The following HSPH1 variants were observed in gnomAD, a reference collection of about 807,000 sequenced individuals.
HSPH1 encodes the protein heat shock protein family H (Hsp110) member 1, also known as heat shock protein 105 kDa.
HSPH1 carries 40 observed loss-of-function variants against 100.0 expected under a neutral mutation model. The ratio of observed to expected loss-of-function variants is 0.40; its 90% CI spans 0.31 to 0.52. The LOEUF is 0.52. Among genes scored for constraint, HSPH1 ranks in the 20% least tolerant of loss-of-function variants. The pLI is 0.54. For missense variants in HSPH1, 876 were observed against 1,015.1 expected (o/e 0.86, Z 1.86); for synonymous variants, 403 against 344.0 (o/e 1.17, Z -1.90).
At chr13:31,144,250 C>T (rs1417581468) in intron 11 of HSPH1, among the ~76,000 whole-genome samples, 2 of 152,150 alleles carry the variant, frequency 1.3e-5, no homozygotes, top group African/African-American at 4.8e-5. Flanking sequence ...CTCTAAGGCA[C>T]TGGAAATAGA....
At position 31,150,889 on chromosome 13, in the gene HSPH1, C is replaced by G. The variant is rs1481056473; in HGVS notation, c.908+58G>C. 2.0e-6 allele frequency: 3 copies of G among 1,531,636 alleles called. No homozygotes were observed. The East Asian group carries it at 6.8e-5, about 35-fold the overall frequency. The allele number at this position is 1,531,636 out of a possible 1,614,324, so 94.9% of individuals were successfully genotyped here. A position where few individuals can be genotyped will look rare whatever the true frequency, so the allele number is the denominator to read the frequency against. The stretch of plus-strand genomic sequence containing the variant: ...TCACAACACCCACTAGAACTGACAC[C>G]TGGGCTACAGTTTCAAAAGAAGTTC... On this transcript the variant is annotated intron_variant, in intron 7 of 17. Coordinates refer to ENST00000320027, the MANE Select transcript of HSPH1 (RefSeq NM_006644.4).
upstream of HSPH1, chr13:31,162,194 G>A: frequency 1.9e-6 from 2 of 1,041,680 alleles, no homozygotes; most frequent in Non-Finnish European, 2.8e-6. Flanking sequence ...AACAGGCAAC[G>A]AAGAATGACT....
At chr13:31,153,745 A>T (rs909040953) in intron 4 of HSPH1, among the ~76,000 whole-genome samples, 1 of 151,980 alleles carries the variant, frequency 6.6e-6, no homozygotes, top group African/African-American at 2.4e-5. Context: ...GAGAGACATG[A>T]GCAAGAGCAA....
rs180897573 is a variant in HSPH1, at chr13:31,160,585, T to C, written c.107+891A>G. ...GTTTGTATATATTCTCGTCCGAAAA[T>C]ATCCCTTCACGAAACTTGCTTTTTA... On this transcript the variant is annotated intron_variant, in intron 1 of 17. Transcript: ENST00000320027. Among the ~76,000 whole-genome samples, 20 of 152,334 alleles carry C rather than the reference T, an allele frequency of 1.3e-4. 1 individual carries two copies. The highest frequency in any genetic ancestry group is 4.8e-4 in the African/African-American group (20 of 41,564).
Position 31,137,480 on chromosome 13 carries a change from T to C in HSPH1, c.2415A>G (p.Pro805=), listed in dbSNP as rs1263474054. The C allele has an allele frequency of 2.5e-6, 4 of 1,613,744 alleles. No homozygotes were observed. In the Admixed American group the frequency reaches 5.0e-5, roughly 20 times the overall value. ...TCEPVVTQPK[P]KIESPKLERT... ...TTTCCAGTTTGGGTGATTCAATTTT[T>C]GGTTTCGGTTGTGTTACAACGGGTT... Residue 805 remains proline, a synonymous_variant, in exon 18 of 18, where the codon CCA becomes CCG. Transcript: ENST00000320027.
At chr13:31,143,466 TA>T (rs753850360) in intron 12 of HSPH1, among the ~76,000 whole-genome samples, 5 of 152,140 alleles carry the variant, frequency 3.3e-5, no homozygotes, top group Admixed American at 6.6e-5. Context: ...GTAGCCCTGG[TA>T]AATATCAAGT....
chr13:31,153,078 T>C (rs767309245), intron 4 of HSPH1, 127 bp from the exon 5 acceptor site: 1 of 619,880 alleles, frequency 1.6e-6, no homozygotes, highest in Non-Finnish European at 2.8e-6. Context: ...AAAACAGAAA[T>C]AGGGCTTTAG....
intron 3 of HSPH1, 93 bp downstream of exon 3, chr13:31,155,421 T>G: frequency 1.1e-6 from 1 of 945,820 alleles, no homozygotes; most frequent in South Asian, 1.8e-5. Context: ...GACCACCTGG[T>G]GTAATTAAGA....
At position 31,136,449 on chromosome 13, in the gene HSPH1, A is replaced by T. The variant is rs953335646; in HGVS notation, c.*869T>A. On this transcript the variant is annotated 3_prime_UTR_variant, in exon 18 of 18. Coordinates refer to ENST00000320027, the MANE Select transcript of HSPH1 (RefSeq NM_006644.4). Reference sequence around the variant, plus strand: ...GTTTTATTCACTTTATAGTATTTTTAAAATGCTTTAATGTAATAAACATAT... The same window carrying T: ...GTTTTATTCACTTTATAGTATTTTTTAAATGCTTTAATGTAATAAACATAT... 5.3e-5 allele frequency: 8 copies of T among 152,340 alleles called. No individual in the cohort carries two copies. In the East Asian group the frequency reaches 1.5e-3, roughly 29 times the overall value. The allele number at this position is 152,340 out of a possible 1,614,324, so 9.4% of individuals were successfully genotyped here.
chr13:31,151,130 T>C lies in HSPH1; in HGVS notation c.725A>G (p.Glu242Gly). 6.2e-7 allele frequency: 1 copy of C among 1,613,520 alleles called. No homozygotes were observed. Among genetic ancestry groups the C allele is most frequent in the Admixed American group, 1.7e-5 (1 of 59,954 alleles). ...GGKNFDEKLV[E>G]HFCAEFKTKY... ...AGTTTTAAATTCTGCACAAAAATGT[T>C]CCACTAACTTTTCATCGAAGTTTTT... is the stretch of plus-strand genomic sequence containing the variant. Residue 242 changes from glutamate (E) to glycine (G), a missense_variant, in exon 7 of 18, where the codon GAA becomes GGA. Transcript: ENST00000320027.
intron 6 of HSPH1, 72 bp downstream of exon 6, chr13:31,151,536 TA>T: frequency 7.2e-7 from 1 of 1,397,978 alleles, no homozygotes; most frequent in Non-Finnish European, 9.7e-7. Context: ...AAAAGCCTAG[TA>T]AAGAGGCTCA....
At position 31,147,949 on chromosome 13, in the gene HSPH1, A is replaced by T; in HGVS notation, c.1378+10T>A. The T allele has an allele frequency of 6.3e-7, 1 of 1,577,706 alleles. No homozygotes were observed. Among genetic ancestry groups the T allele is most frequent in the East Asian group, 2.2e-5 (1 of 44,502 alleles). ...CTAAAAGAGTAAAATATACACAATG[A>T]ACTCCTTACCTATTTTTGCTTCTGG... is the stretch of plus-strand genomic sequence containing the variant. On this transcript the variant is annotated intron_variant, in intron 10 of 17. Coordinates refer to ENST00000320027, the MANE Select transcript of HSPH1 (RefSeq NM_006644.4).
chr13:31,161,868 G>T lies in HSPH1; in HGVS notation c.-286C>A, dbSNP rs941561958. The T allele has an allele frequency of 4.7e-6, 7 of 1,484,578 alleles. No homozygotes were observed. The highest frequency in any genetic ancestry group is 2.1e-4 in the Middle Eastern group (1 of 4,734). The allele number at this position is 1,484,578 out of a possible 1,614,324, so 92.0% of individuals were successfully genotyped here. ...CGGGTTGCCTGCCTCACTCTGCCGC[G>T]GCTCGCACACCGGCGCCGGCGCTGA... On this transcript the variant is annotated 5_prime_UTR_variant, in exon 1 of 18. Coordinates refer to ENST00000320027, the MANE Select transcript of HSPH1 (RefSeq NM_006644.4).
chr13:31,161,788 G>A lies in HSPH1; in HGVS notation c.-206C>T, dbSNP rs1956928445. 1 of 1,496,188 alleles carries A rather than the reference G, an allele frequency of 6.7e-7. No individual in the cohort carries two copies. The highest frequency in any genetic ancestry group is 1.3e-5 in the South Asian group (1 of 79,928). 92.7% of individuals were successfully genotyped at this position (1,496,188 alleles called of 1,614,324 possible). ...CCCCCGGGGACAGCGGCGGCTGGCT[G>A]ATAAGAAACCCTGGGAGAAAGCGGG... On this transcript the variant is annotated 5_prime_UTR_variant, in exon 1 of 18. Coordinates refer to ENST00000320027, the MANE Select transcript of HSPH1 (RefSeq NM_006644.4).
Position 31,154,886 on chromosome 13 carries a change from G to A in HSPH1, c.307-131C>T, listed in dbSNP as rs75036256. On this transcript the variant is annotated intron_variant, in intron 3 of 17. Coordinates refer to ENST00000320027, the MANE Select transcript of HSPH1 (RefSeq NM_006644.4). ...TTTATTGTTGTAGTTGTTTTGGGAA[G>A]AAGGAAGAAAAGGAGGAAAAAGGGA... The A allele has an allele frequency of 5.8e-3, 4,368 of 757,442 alleles. 154 individuals carry two copies. The African/African-American group carries it at 0.072, about 12-fold the overall frequency. 46.9% of individuals were successfully genotyped at this position (757,442 alleles called of 1,614,324 possible).
chr13:31,153,817 A>G (rs180808752), intron 4 of HSPH1, among the ~76,000 whole-genome samples: 2 of 132,398 alleles, frequency 1.5e-5, no homozygotes, highest in African/African-American at 5.7e-5. Flanking sequence ...TCAGCTCACC[A>G]GGGGAAAAAA....
At chr13:31,152,780 G>T in intron 5 of HSPH1, 72 bp downstream of exon 5, 1 of 1,048,392 alleles carries the variant, frequency 9.5e-7, no homozygotes, top group Non-Finnish European at 1.5e-6. Flanking sequence ...GTATCTATAA[G>T]AAAGTAATAG....
rs1955858459 is a variant in HSPH1, at chr13:31,135,320, T to C, written c.*1998A>G. 1 of 152,234 alleles carries C rather than the reference T, an allele frequency of 6.6e-6. No homozygotes were observed. The highest frequency in any genetic ancestry group is 2.1e-4 in the South Asian group (1 of 4,828). The allele number at this position is 152,234 out of a possible 1,614,324, so 9.4% of individuals were successfully genotyped here. ...AATCTTTTTTAATGGATGTCCTAAT[T>C]GTACACAGAACACAAACCTATCTTC... On this transcript the variant is annotated 3_prime_UTR_variant, in exon 18 of 18. Coordinates refer to ENST00000320027, the MANE Select transcript of HSPH1 (RefSeq NM_006644.4).
chr13:31,137,291 T>G lies in HSPH1; in HGVS notation c.*27A>C. ...ACTATGGCAAAAATATTTTATTAAT[T>G]GAAGGAATAGGCCAATTTAAGGTTA... On this transcript the variant is annotated 3_prime_UTR_variant, in exon 18 of 18. Transcript: ENST00000320027. 7.3e-7 allele frequency: 1 copy of G among 1,365,094 alleles called. No individual in the cohort carries two copies. Among genetic ancestry groups the G allele is most frequent in the Non-Finnish European group, 1.0e-6 (1 of 969,970 alleles). 84.6% of individuals were successfully genotyped at this position (1,365,094 alleles called of 1,614,324 possible).
Sources: allele counts gnomAD v4.1 joint callset (sites outside exome capture counted in the v4.1 genomes callset), GRCh38; gene constraint gnomAD v4.1.1; transcripts MANE v1.5; gene names NCBI Gene and HGNC (gene_info 2026-07-23, HGNC 2026-07-21).